CGNL1: variants seen among roughly 807,000 people sequenced by gnomAD.
The protein encoded by CGNL1 is cingulin-like protein 1.
CGNL1 carries 132 observed loss-of-function variants against 141.2 expected under a neutral mutation model. The observed-to-expected ratio is 0.93, with a 90% confidence interval of 0.81 to 1.08. The LOEUF (loss-of-function observed/expected upper bound fraction) is 1.08, where lower values mean the gene tolerates loss of function less well. CGNL1 is among the 50% of genes least tolerant of loss of function. The pLI is 0.00. For synonymous variants in CGNL1, 690 were observed against 622.1 expected, an observed-to-expected ratio of 1.11 and a Z score of -1.63; for missense variants, 1,870 against 1,588.6, an observed-to-expected ratio of 1.18 and a Z score of -3.01.
At chr15:57,386,233 A>G (rs2062481313) in intron 1 of CGNL1, among the ~76,000 whole-genome samples, 1 of 152,166 alleles carries the variant, frequency 6.6e-6, no homozygotes, top group Admixed American at 6.5e-5. Context: ...TGCAGAGGAC[A>G]TTGGTGGAGT....
chr15:57,452,178 G>A lies in CGNL1; in HGVS notation c.1943G>A (p.Arg648Lys), dbSNP rs140746323. The change falls in exon 6 of 19, where the codon AGA becomes AAA. Residue 648 changes from arginine to lysine, a missense_variant. Physicochemically the swap from Arg to Lys is conservative, Grantham distance 26. Coordinates refer to ENST00000281282, the MANE Select transcript of CGNL1 (RefSeq NM_032866.5). ...QNIKEERERMRANLEELRSQH... is the reference protein window; with the variant it reads ...QNIKEERERMKANLEELRSQH... ...ATTAAAGAAGAGAGAGAGAGGATGA[G>A]AGCAAACCTAGAAGAGCTCCGAAGC... is the stretch of plus-strand genomic sequence containing the variant. 1.2e-5 allele frequency: 19 copies of A among 1,613,908 alleles called. No individual in the cohort carries two copies. Among genetic ancestry groups the A allele is most frequent in the African/African-American group, 1.3e-5 (1 of 74,998 alleles).
Position 57,383,453 on chromosome 15 carries a change from G to A in CGNL1, c.-16+6886G>A, listed in dbSNP as rs190121470. On this transcript the variant is annotated intron_variant, in intron 1 of 18. Transcript: ENST00000281282. ...AGCTGGGACTACAGGCACGTGCCAC[G>A]ACGCCCGGCTAATTTTTTGTATTTT... Among the ~76,000 whole-genome samples the A allele has an allele frequency of 5.2e-3, 783 of 151,436 alleles. 4 individuals carry two copies. Among genetic ancestry groups the A allele is most frequent in the Admixed American group, 9.5e-3 (144 of 15,186 alleles).
rs192693861 is a variant in CGNL1 at position 57,538,873 on chromosome 15, G to A, written c.3292-4823G>A. On this transcript the variant is annotated intron_variant, in intron 14 of 18. Coordinates refer to ENST00000281282, the MANE Select transcript of CGNL1 (RefSeq NM_032866.5). ...AGAGTCCTAGGTCCTACAGGTTTGC[G>A]AAGACACAACGGGGAGGGGAAAAAA... Among the ~76,000 whole-genome samples, 741 of 152,276 alleles carry A rather than the reference G, an allele frequency of 4.9e-3. 9 individuals carry two copies. The highest frequency in any genetic ancestry group is 0.022 in the South Asian group (104 of 4,828).
chr15:57,519,014 C>T (rs1256562719), intron 10 of CGNL1, among the ~76,000 whole-genome samples: 4 of 152,218 alleles, frequency 2.6e-5, no homozygotes, highest in African/African-American at 9.6e-5. Flanking sequence ...TACATTCCTT[C>T]AGGATGGCTA....
At chr15:57,529,210 A>G (rs1363890913) in intron 13 of CGNL1, among the ~76,000 whole-genome samples, 1 of 152,170 alleles carries the variant, frequency 6.6e-6, no homozygotes, top group East Asian at 1.9e-4. Flanking sequence ...AGGAATCATC[A>G]TTCTTCATTT....
At chr15:57,434,921 A>C (rs955655881) in intron 1 of CGNL1, among the ~76,000 whole-genome samples, 5 of 152,140 alleles carry the variant, frequency 3.3e-5, no homozygotes, top group African/African-American at 1.2e-4. Flanking sequence ...ACTAACAAAG[A>C]GGAAGACATG....
chr15:57,437,518 T>C (rs1208229709), intron 1 of CGNL1, among the ~76,000 whole-genome samples: 2 of 150,824 alleles, frequency 1.3e-5, no homozygotes, highest in East Asian at 1.9e-4. Context: ...TAGCTCTTAA[T>C]TATTTTCATG....
Position 57,524,470 on chromosome 15 carries a change from G to A in CGNL1, c.2869-111G>A, listed in dbSNP as rs559266759. On this transcript the variant is annotated intron_variant, in intron 11 of 18. Coordinates refer to ENST00000281282, the MANE Select transcript of CGNL1 (RefSeq NM_032866.5). ...GATCAGGTGCTGGGCCATCTTTGAG[G>A]GGGCCATAGAAGAAAGGGAGAAGAG... 73 of 1,013,712 alleles carry A rather than the reference G, an allele frequency of 7.2e-5. No homozygotes were observed. The African/African-American group carries it at 9.7e-4, about 14-fold the overall frequency. 62.8% of individuals were successfully genotyped at this position (1,013,712 alleles called of 1,614,324 possible).
chr15:57,521,869 G>A (rs954654074), intron 10 of CGNL1, among the ~76,000 whole-genome samples: 1 of 152,122 alleles, frequency 6.6e-6, no homozygotes, highest in African/African-American at 2.4e-5. Context: ...GGAGGGGGTT[G>A]AGTTGGATCC....
intron 3 of CGNL1, 139 bp downstream of exon 3, chr15:57,440,610 G>T: frequency 5.9e-6 from 4 of 673,016 alleles, no homozygotes; most frequent in Non-Finnish European, 5.2e-6. Flanking sequence ...AATGGCTGGG[G>T]TTTTCGTGAC....
chr15:57,545,829 C>T, intron 17 of CGNL1, 129 bp downstream of exon 17: 1 of 790,312 alleles, frequency 1.3e-6, no homozygotes, highest in Non-Finnish European at 2.0e-6. Context: ...TTCCACGCAC[C>T]CAGTCACATC....
At position 57,547,812 on chromosome 15, in the gene CGNL1, T is replaced by C. The variant is rs1487773644; in HGVS notation, c.*322T>C. On this transcript the variant is annotated 3_prime_UTR_variant, in exon 19 of 19. Transcript: ENST00000281282. ...ATTGCTGTCCCTGCCCCCTCATCACTCCCCCTGCCAAGACAAAGGGTCCAG... is the reference window on the plus strand; with the variant it reads ...ATTGCTGTCCCTGCCCCCTCATCACCCCCCCTGCCAAGACAAAGGGTCCAG... The C allele has an allele frequency of 2.6e-5, 7 of 273,988 alleles. No homozygotes were observed. The highest frequency in any genetic ancestry group is 1.1e-4 in the Admixed American group (2 of 19,024). The allele number at this position is 273,988 out of a possible 1,614,324, so 17.0% of individuals were successfully genotyped here.
At chr15:57,412,256 A>G (rs1190998893) in intron 1 of CGNL1, among the ~76,000 whole-genome samples, 4 of 152,242 alleles carry the variant, frequency 2.6e-5, no homozygotes, top group African/African-American at 4.8e-5. Context: ...CTAGCTGTAG[A>G]CAGAGGCAGC....
chr15:57,387,724 T>C (rs77751665), intron 1 of CGNL1, among the ~76,000 whole-genome samples: 3 of 152,200 alleles, frequency 2.0e-5, no homozygotes, highest in Admixed American at 1.3e-4. Flanking sequence ...AACCTCCCCC[T>C]GTTTTAAAGC....
chr15:57,381,957 G>A (rs2062429922), intron 1 of CGNL1, among the ~76,000 whole-genome samples: 1 of 152,172 alleles, frequency 6.6e-6, no homozygotes, highest in African/African-American at 2.4e-5. Flanking sequence ...CTCTGAACGG[G>A]TCCCACATCC....
At chr15:57,525,661 A>AT (rs1280596464) in intron 12 of CGNL1, among the ~76,000 whole-genome samples, 2 of 152,134 alleles carry the variant, frequency 1.3e-5, no homozygotes, top group Non-Finnish European at 2.9e-5. Context: ...ACAGGAAAAC[A>AT]TTTTTTTCTT....
At chr15:57,381,136 G>A (rs1410851828) in intron 1 of CGNL1, among the ~76,000 whole-genome samples, 1 of 152,216 alleles carries the variant, frequency 6.6e-6, no homozygotes, top group African/African-American at 2.4e-5. Context: ...CCTTTCAAGT[G>A]CCAGGTAGCA....
intron 14 of CGNL1, among the ~76,000 whole-genome samples, chr15:57,541,930 T>TC (rs1447143644): frequency 1.3e-5 from 2 of 152,174 alleles, no homozygotes; most frequent in African/African-American, 4.8e-5. Flanking sequence ...AGGCCCAGCT[T>TC]CCCCCTGTGG....
chr15:57,457,011 G>A (rs1173876126), intron 7 of CGNL1, among the ~76,000 whole-genome samples: 2 of 152,056 alleles, frequency 1.3e-5, no homozygotes, highest in East Asian at 3.8e-4. Context: ...TATAAAAAAG[G>A]CAGCCAAAAA....
Sources: allele counts gnomAD v4.1 joint callset (sites outside exome capture counted in the v4.1 genomes callset), GRCh38; gene constraint gnomAD v4.1.1; transcripts MANE v1.5; gene names NCBI Gene and HGNC (gene_info 2026-07-23, HGNC 2026-07-21).